OSBPL1A: variants seen among roughly 807,000 people sequenced by gnomAD.
The protein encoded by OSBPL1A is oxysterol binding protein like 1A.
Under a neutral mutation model 137.1 loss-of-function variants are expected in OSBPL1A, and 80 were observed. That is an observed-to-expected ratio of 0.58 (90% CI 0.49 to 0.70). The LOEUF (loss-of-function observed/expected upper bound fraction) is 0.70, where lower values mean the gene tolerates loss of function less well. Ranked by LOEUF, OSBPL1A falls within the 30% of genes least tolerant of loss-of-function variation. The probability of loss-of-function intolerance (pLI) is 0.00; values close to 1 mark genes in which losing one functional copy is unlikely to be tolerated. For missense variants in OSBPL1A, 970 were observed against 1,129.4 expected, an observed-to-expected ratio of 0.86 and a Z score of 2.02; for synonymous variants, 365 against 389.7, an observed-to-expected ratio of 0.94 and a Z score of 0.75.
intron 16 of OSBPL1A, among the ~76,000 whole-genome samples, chr18:24,232,527 G>A (rs2088313719): frequency 6.6e-6 from 1 of 152,150 alleles, no homozygotes; most frequent in Non-Finnish European, 1.5e-5. Context: ...TGGAACATGA[G>A]GAGTTATACA....
intron 17 of OSBPL1A, among the ~76,000 whole-genome samples, chr18:24,219,392 G>T (rs186070908): frequency 6.6e-6 from 1 of 152,054 alleles, no homozygotes; most frequent in African/African-American, 2.4e-5. Context: ...GGGAATCAAG[G>T]GTTCATTATA....
chr18:24,167,578 G>A, intron 24 of OSBPL1A, 133 bp from the exon 25 acceptor site: 11 of 733,744 alleles, frequency 1.5e-5, no homozygotes, highest in South Asian at 1.4e-4. Context: ...AGCGGAGCAT[G>A]TATAGAAATC....
intron 4 of OSBPL1A, among the ~76,000 whole-genome samples, chr18:24,342,211 T>C (rs985941124): frequency 6.6e-6 from 1 of 152,072 alleles, no homozygotes; most frequent in African/African-American, 2.4e-5. Context: ...TCTCCTGGAG[T>C]CAATATTCAA....
rs752647963 is a variant in OSBPL1A, at chr18:24,355,236, G to T, written c.282+11656C>A. On this transcript the variant is annotated intron_variant, in intron 4 of 27. Transcript: ENST00000319481. ...CAATCTAGCATGCCCACTTATTAAG[G>T]CTCACGCCTGTAACCCCAGCACTTT... Among the ~76,000 whole-genome samples, 20 of 151,984 alleles carry T rather than the reference G, an allele frequency of 1.3e-4. No individual in the cohort carries two copies. In the East Asian group the frequency reaches 3.5e-3, roughly 26 times the overall value.
chr18:24,213,097 T>C (rs2087593000), intron 17 of OSBPL1A, among the ~76,000 whole-genome samples: 1 of 152,178 alleles, frequency 6.6e-6, no homozygotes. Context: ...GAGACGAGGG[T>C]GACTCAACAG....
intron 15 of OSBPL1A, among the ~76,000 whole-genome samples, chr18:24,247,045 A>G (rs1467408817): frequency 6.6e-6 from 1 of 152,174 alleles, no homozygotes; most frequent in East Asian, 1.9e-4. Flanking sequence ...TTAAAATTAA[A>G]TTTTAAAACT....
intron 7 of OSBPL1A, among the ~76,000 whole-genome samples, chr18:24,327,750 AC>A (rs745649915): frequency 2.0e-5 from 3 of 152,232 alleles, no homozygotes; most frequent in East Asian, 3.9e-4. Flanking sequence ...TGCCATTCTG[AC>A]TTTTGTCAAA....
chr18:24,283,302 A>ATG (rs1278051510), intron 14 of OSBPL1A, among the ~76,000 whole-genome samples: 3 of 95,142 alleles, frequency 3.2e-5, no homozygotes, highest in Non-Finnish European at 5.2e-5. Flanking sequence ...ATATATATAT[A>ATG]TGTATATATA....
At chr18:24,213,567 A>G (rs1182496807) in intron 17 of OSBPL1A, among the ~76,000 whole-genome samples, 5 of 152,184 alleles carry the variant, frequency 3.3e-5, no homozygotes, top group Admixed American at 1.3e-4. Context: ...GACTGTCTCA[A>G]AATGATAATA....
chr18:24,385,023 C>T lies in OSBPL1A; in HGVS notation c.-2-7488G>A, dbSNP rs576315225. 9.3e-5 allele frequency among the ~76,000 whole-genome samples: 14 copies of T among 150,004 alleles called. No homozygotes were observed. In the South Asian group the frequency reaches 1.7e-3, roughly 18 times the overall value. ...AGGCTGGAGTGCAGTGGCACAATCT[C>T]GACTCACTGCAAGCTCCGCCTCCCG... On this transcript the variant is annotated intron_variant, in intron 1 of 27. Coordinates refer to ENST00000319481, the MANE Select transcript of OSBPL1A (RefSeq NM_080597.4).
chr18:24,309,962 G>T (rs576745695), intron 13 of OSBPL1A, among the ~76,000 whole-genome samples: 27 of 149,714 alleles, frequency 1.8e-4, no homozygotes, highest in African/African-American at 6.4e-4. Flanking sequence ...CGAGAAGATC[G>T]CTTGAACCCG....
At chr18:24,264,035 T>C (rs192593182) in intron 15 of OSBPL1A, among the ~76,000 whole-genome samples, 2 of 152,288 alleles carry the variant, frequency 1.3e-5, no homozygotes, top group East Asian at 3.9e-4. Flanking sequence ...GGAACAACCA[T>C]ATTCAATTAA....
intron 17 of OSBPL1A, among the ~76,000 whole-genome samples, chr18:24,206,636 C>T (rs2087382838): frequency 6.6e-6 from 1 of 152,228 alleles, no homozygotes; most frequent in African/African-American, 2.4e-5. Flanking sequence ...GTTACGTCCT[C>T]TCCCAATCTA....
intron 7 of OSBPL1A, among the ~76,000 whole-genome samples, chr18:24,321,415 G>A (rs1359355521): frequency 1.3e-5 from 2 of 152,120 alleles, no homozygotes; most frequent in Non-Finnish European, 2.9e-5. Flanking sequence ...TCTCACCTCA[G>A]CCTCCCTGGT....
intron 7 of OSBPL1A, among the ~76,000 whole-genome samples, chr18:24,329,224 C>A (rs557820766): frequency 3.7e-4 from 56 of 151,668 alleles, no homozygotes; most frequent in Non-Finnish European, 7.2e-4. Flanking sequence ...CCAGCCTGAG[C>A]AAAAGGGTGA....
chr18:24,181,177 T>C lies in OSBPL1A; in HGVS notation c.1780A>G (p.Ser594Gly), dbSNP rs2086597459. 1 of 1,614,126 alleles carries C rather than the reference T, an allele frequency of 6.2e-7. No homozygotes were observed. Among genetic ancestry groups the C allele is most frequent in the Non-Finnish European group, 8.5e-7 (1 of 1,179,994 alleles). Reference sequence around the variant, plus strand: ...CTTTCCACAGGATCAGAGAGTGAACTGGCCTTGTGGATGAGGTAAGTATGC... The same window carrying C: ...CTTTCCACAGGATCAGAGAGTGAACCGGCCTTGTGGATGAGGTAAGTATGC... Reference protein sequence around the residue: ...MEHTYLIHKASSLSDPVERMQ... With the variant: ...MEHTYLIHKAGSLSDPVERMQ... Residue 594 changes from serine (S) to glycine (G), a missense_variant, in exon 19 of 28, where the codon AGT (serine) becomes GGT (glycine). Transcript: ENST00000319481.
intron 15 of OSBPL1A, chr18:24,272,045 G>A (rs2089736053): frequency 1.0e-6 from 1 of 982,432 alleles, no homozygotes; most frequent in African/African-American, 1.8e-5. Flanking sequence ...CGTCCGGGCC[G>A]CTCCTCCCCT....
chr18:24,361,159 A>C (rs758710653), intron 4 of OSBPL1A, among the ~76,000 whole-genome samples: 1 of 152,046 alleles, frequency 6.6e-6, no homozygotes, highest in Non-Finnish European at 1.5e-5. Flanking sequence ...CCTCCCGAGT[A>C]GCTGGGACTA....
chr18:24,371,997 CG>C (rs1222920552), intron 2 of OSBPL1A, among the ~76,000 whole-genome samples: 1 of 152,118 alleles, frequency 6.6e-6, no homozygotes, highest in African/African-American at 2.4e-5. Flanking sequence ...GTACTTCAGC[CG>C]GGCATGGTGG....
Sources: gnomAD v4.1 joint callset for allele counts (sites outside exome capture counted in the v4.1 genomes callset) on GRCh38, gnomAD v4.1.1 for gene constraint, MANE v1.5 for transcripts, NCBI Gene and HGNC (gene_info 2026-07-23, HGNC 2026-07-21) for gene names.